Variants in TBC1D2B observed in about 807,000 individuals in gnomAD.
TBC1D2B encodes TBC1 domain family, member 2B.
TBC1D2B carries 64 observed loss-of-function variants against 100.8 expected under a neutral mutation model. The observed-to-expected ratio is 0.64, with a 90% CI of 0.52 to 0.78. The LOEUF (loss-of-function observed/expected upper bound fraction) is 0.78. Ranked by LOEUF, TBC1D2B falls within the 30% of genes least tolerant of loss-of-function variation. The pLI is 0.00. For synonymous variants in TBC1D2B, 480 were observed against 479.7 expected (o/e 1.00, Z -0.01); for missense variants, 1,052 against 1,218.4 (o/e 0.86, Z 2.03).
chr15:78,024,244 T>A lies in TBC1D2B; in HGVS notation c.1382A>T (p.Glu461Val). ...CACGGTGGGAGGAGGCCCGTTGCCC[T>A]CGCCCTCGCTGAGCTTGATGATGAC... ...DEVIIKLSEG[E>V]GNGPPPTVAP... The change falls in exon 6 of 13, where the codon GAG (glutamate) becomes GTG (valine). Residue 461 changes from glutamate to valine, a missense_variant. Coordinates refer to ENST00000300584, the MANE Select transcript of TBC1D2B (RefSeq NM_144572.2). The A allele has an allele frequency of 6.2e-7, 1 of 1,613,950 alleles. No individual in the cohort carries two copies. The highest frequency in any genetic ancestry group is 1.1e-5 in the South Asian group (1 of 91,082).
intron 1 of TBC1D2B, among the ~76,000 whole-genome samples, chr15:78,065,249 CAG>C (rs2073633330): frequency 6.6e-6 from 1 of 152,216 alleles, no homozygotes; most frequent in African/African-American, 2.4e-5. Flanking sequence ...TACCATTTAA[CAG>C]AGATTAGCAA....
At chr15:78,062,409 T>C (rs2073566318) in intron 1 of TBC1D2B, among the ~76,000 whole-genome samples, 1 of 152,228 alleles carries the variant, frequency 6.6e-6, no homozygotes, top group African/African-American at 2.4e-5. Context: ...TCACTCTTCC[T>C]GGACTGTGGG....
rs1246909016 is a variant in TBC1D2B, at chr15:78,077,687, T to A, written c.-35A>T. The A allele has an allele frequency of 3.1e-6, 3 of 977,408 alleles. No individual in the cohort carries two copies. Among genetic ancestry groups the A allele is most frequent in the African/African-American group, 1.8e-5 (1 of 54,588 alleles). 60.5% of individuals were successfully genotyped at this position (977,408 alleles called of 1,614,324 possible). A position where few individuals can be genotyped will look rare whatever the true frequency, so the allele number is the denominator to read the frequency against. On this transcript the variant is annotated 5_prime_UTR_variant, in exon 1 of 13. Transcript: ENST00000300584. The stretch of plus-strand genomic sequence containing the variant: ...GCGCCAACCGTAGGCGCCCGCGCCC[T>A]GCGCCTCCGCGCCGCGGCCGCTGCG...
At chr15:78,027,293 C>G (rs1263895472) in intron 4 of TBC1D2B, among the ~76,000 whole-genome samples, 3 of 152,168 alleles carry the variant, frequency 2.0e-5, no homozygotes, top group Admixed American at 6.5e-5. Flanking sequence ...TGGCATCGTC[C>G]TCCTTCTTGA....
At chr15:78,062,322 C>A (rs1018092571) in intron 1 of TBC1D2B, among the ~76,000 whole-genome samples, 3 of 152,144 alleles carry the variant, frequency 2.0e-5, no homozygotes, top group Non-Finnish European at 4.4e-5. Context: ...CAATGACGAA[C>A]TGAAAAAAGA....
intron 1 of TBC1D2B, among the ~76,000 whole-genome samples, chr15:78,067,149 GAGA>G (rs1231583828): frequency 6.6e-6 from 1 of 152,206 alleles, no homozygotes; most frequent in African/African-American, 2.4e-5. Context: ...TTTGGAGAAG[GAGA>G]AGGTTTCAGT....
rs1265880758 is a variant in TBC1D2B, at chr15:77,995,576, A to C, written c.*2584T>G. 6.6e-6 allele frequency: 1 copy of C among 152,388 alleles called. No individual in the cohort carries two copies. Among genetic ancestry groups the C allele is most frequent in the African/African-American group, 2.4e-5 (1 of 41,442 alleles). The allele number at this position is 152,388 out of a possible 1,614,324, so 9.4% of individuals were successfully genotyped here. Reference sequence around the variant, plus strand: ...TTGTTATATAAAATAGATATGTGGAATCTAGAAACACCTTGAGAAAATAGC... The same window carrying C: ...TTGTTATATAAAATAGATATGTGGACTCTAGAAACACCTTGAGAAAATAGC... On this transcript the variant is annotated 3_prime_UTR_variant, in exon 13 of 13. Coordinates refer to ENST00000300584, the MANE Select transcript of TBC1D2B (RefSeq NM_144572.2).
intron 3 of TBC1D2B, among the ~76,000 whole-genome samples, chr15:78,033,772 T>C (rs1315245688): frequency 6.6e-6 from 1 of 152,234 alleles, no homozygotes; most frequent in African/African-American, 2.4e-5. Flanking sequence ...AAGGTGGCTT[T>C]ACCTCTAGTT....
intron 3 of TBC1D2B, among the ~76,000 whole-genome samples, chr15:78,031,306 T>C (rs113190974): frequency 0.054 from 8,212 of 152,092 alleles, 282 homozygotes; most frequent in Middle Eastern, 0.13. Context: ...GTAATCCCAG[T>C]ACTTTGGGAG....
intron 1 of TBC1D2B, among the ~76,000 whole-genome samples, chr15:78,059,581 C>G (rs1398613218): frequency 6.6e-6 from 1 of 152,118 alleles, no homozygotes; most frequent in East Asian, 1.9e-4. Flanking sequence ...TAAAAGCAAG[C>G]CATCCACATT....
At chr15:78,037,617 G>C (rs1384026564) in intron 3 of TBC1D2B, among the ~76,000 whole-genome samples, 2 of 142,278 alleles carry the variant, frequency 1.4e-5, no homozygotes, top group African/African-American at 5.0e-5. Flanking sequence ...TAGTGGAGGG[G>C]AGAGGAAGAT....
chr15:78,002,047 A>T (rs79991040), intron 11 of TBC1D2B: 9,922 of 182,274 alleles, frequency 0.054, 368 homozygotes, highest in Middle Eastern at 0.11. Flanking sequence ...AAGCATAAAG[A>T]ACAAACATAA....
intron 3 of TBC1D2B, chr15:78,034,530 G>T (rs1339068217): frequency 1.0e-6 from 1 of 985,338 alleles, no homozygotes; most frequent in East Asian, 1.1e-4. Context: ...AAGGGTGAAT[G>T]CAGGAAAGAG....
Position 78,045,059 on chromosome 15 carries a change from T to C in TBC1D2B, c.524A>G (p.Tyr175Cys). 1 of 1,598,036 alleles carries C rather than the reference T, an allele frequency of 6.3e-7. No individual in the cohort carries two copies. The highest frequency in any genetic ancestry group is 8.5e-7 in the Non-Finnish European group (1 of 1,171,110). ...TTCTGCAGAAGCATTTGGGTGTGGGTAAATTAAATCTGAAAAAAAAGGTAA... is the reference window on the plus strand; with the variant it reads ...TTCTGCAGAAGCATTTGGGTGTGGGCAAATTAAATCTGAAAAAAAAGGTAA... ...LVARDNTDLI[Y>C]PHPNASAEKA... The change falls in exon 3 of 13, where the codon TAC becomes TGC. Residue 175 changes from tyrosine to cysteine, a missense_variant. Physicochemically the swap from Tyr to Cys is radical, Grantham distance 194 (BLOSUM62 -2). This residue lies in a region of TBC1D2B where 627 missense variants were observed against 646.1 expected (regional missense o/e 0.97). Transcript: ENST00000300584.
At chr15:78,031,464 G>C (rs1288485037) in intron 3 of TBC1D2B, among the ~76,000 whole-genome samples, 1 of 139,806 alleles carries the variant, frequency 7.2e-6, no homozygotes, top group African/African-American at 2.6e-5. Flanking sequence ...TGAGGCACAA[G>C]AATCACTTGA....
chr15:78,002,461 T>G (rs903949438), intron 11 of TBC1D2B: 9 of 151,482 alleles, frequency 5.9e-5, no homozygotes, highest in Admixed American at 1.3e-4. Context: ...GGATTACAAG[T>G]GTCAGCCACT....
At chr15:78,066,139 T>C (rs1469020471) in intron 1 of TBC1D2B, 1 of 462,246 alleles carries the variant, frequency 2.2e-6, no homozygotes. Flanking sequence ...GAAGGAACCC[T>C]AGCACGTAGG....
intron 3 of TBC1D2B, chr15:78,034,421 C>G: frequency 1.1e-6 from 1 of 877,668 alleles, no homozygotes; most frequent in Non-Finnish European, 1.4e-6. Context: ...AGCCTTCCCT[C>G]AGGTGGCATG....
rs779367266 is a variant in TBC1D2B, at chr15:78,025,322, T to G, written c.1023A>C (p.Gln341His). ...VSIRKPASEM[Q>H]LQVQSQQEEL... ...CTTCCTGCTGGCTCTGGACCTGCAG[T>G]TGCATTTCGGAGGCCGGCTTCCTGA... The change falls in exon 5 of 13, where the codon CAA (glutamine) becomes CAC (histidine). Residue 341 changes from glutamine (Q) to histidine (H), a missense_variant. Physicochemically the swap from Gln to His is conservative, Grantham distance 24 (BLOSUM62 0). This residue lies in a region of TBC1D2B where 627 missense variants were observed against 646.1 expected (regional missense o/e 0.97). Transcript: ENST00000300584. 2 of 1,613,944 alleles carry G rather than the reference T, an allele frequency of 1.2e-6. No individual in the cohort carries two copies. Among genetic ancestry groups the G allele is most frequent in the Non-Finnish European group, 1.7e-6 (2 of 1,179,878 alleles).
Sources: gnomAD v4.1 joint callset for allele counts (sites outside exome capture counted in the v4.1 genomes callset) on GRCh38, gnomAD v4.1.1 for gene constraint, gnomAD v4.1.1 regional missense constraint, MANE v1.5 for transcripts, NCBI Gene and HGNC (gene_info 2026-07-23, HGNC 2026-07-21) for gene names.